Variants in SMPD3 observed in about 807,000 individuals in gnomAD.
SMPD3 encodes the protein nSMase-2.
In SMPD3, 21 loss-of-function variants were observed where a neutral mutation model predicts 55.7. That is an observed-to-expected ratio of 0.38 (90% CI 0.27 to 0.54). The LOEUF (loss-of-function observed/expected upper bound fraction) is 0.54, where lower values mean the gene tolerates loss of function less well. Ranked by LOEUF, SMPD3 falls within the 20% of genes least tolerant of loss-of-function variation. The probability of loss-of-function intolerance (pLI) is 0.80; values close to 1 mark genes in which losing one functional copy is unlikely to be tolerated. For missense variants in SMPD3, 842 were observed against 899.6 expected (o/e 0.94, Z 0.82); for synonymous variants, 457 against 404.3 (o/e 1.13, Z -1.56).
intron 1 of SMPD3, among the ~76,000 whole-genome samples, chr16:68,428,118 G>T (rs1280420931): frequency 6.6e-6 from 1 of 152,140 alleles, no homozygotes; most frequent in Admixed American, 6.5e-5. Flanking sequence ...GAGCAGCCAA[G>T]GCCTCATCCT....
At chr16:68,441,878 A>G (rs926909761) in intron 1 of SMPD3, among the ~76,000 whole-genome samples, 3 of 152,124 alleles carry the variant, frequency 2.0e-5, no homozygotes, top group East Asian at 1.9e-4. Flanking sequence ...CAATCCTCCC[A>G]TCTCAGCCTC....
At chr16:68,364,566 G>A in intron 5 of SMPD3, 185 bp downstream of exon 5, 2 of 679,002 alleles carry the variant, frequency 2.9e-6, no homozygotes, top group East Asian at 2.8e-5. Flanking sequence ...TTTCTAGGCA[G>A]AGCGTGGGCT....
chr16:68,397,414 C>T, intron 1 of SMPD3, among the ~76,000 whole-genome samples: 1 of 152,194 alleles, frequency 6.6e-6, no homozygotes, highest in East Asian at 1.9e-4. Context: ...CAGCAGGAAC[C>T]AGGTAGAGTT....
intron 1 of SMPD3, among the ~76,000 whole-genome samples, chr16:68,443,058 A>G (rs1437256318): frequency 1.3e-5 from 2 of 152,242 alleles, no homozygotes; most frequent in Non-Finnish European, 2.9e-5. Flanking sequence ...GAGAAAAAAC[A>G]TAAGTTCATT....
chr16:68,371,752 G>T lies in SMPD3; in HGVS notation c.430C>A (p.Leu144Ile). ...TTGGCCCGCGCTTGGGTGTTAAAAAGGTTGTTGACCCTGGCGAGTGAGTCG... is the reference window on the plus strand; with the variant it reads ...TTGGCCCGCGCTTGGGTGTTAAAAATGTTGTTGACCCTGGCGAGTGAGTCG... ...LPDSLARVNN[L>I]FNTQARAKEI... is the part of the protein sequence containing the mutation. The change falls in exon 3 of 9, where the codon CTT (leucine) becomes ATT (isoleucine). Residue 144 changes from leucine (L) to isoleucine (I), a missense_variant. Coordinates refer to ENST00000219334, the MANE Select transcript of SMPD3 (RefSeq NM_018667.4). 1.9e-6 allele frequency: 3 copies of T among 1,611,498 alleles called. No homozygotes were observed. Among genetic ancestry groups the T allele is most frequent in the Non-Finnish European group, 2.5e-6 (3 of 1,178,806 alleles).
intron 1 of SMPD3, among the ~76,000 whole-genome samples, chr16:68,431,496 A>G (rs1354677124): frequency 3.9e-5 from 6 of 152,296 alleles, no homozygotes; most frequent in East Asian, 1.9e-4. Context: ...TTTTTCCCAC[A>G]TGGACTCCCA....
intron 1 of SMPD3, among the ~76,000 whole-genome samples, chr16:68,425,402 G>T (rs115477065): frequency 1.3e-5 from 2 of 152,188 alleles, no homozygotes; most frequent in Non-Finnish European, 2.9e-5. Flanking sequence ...CAGCTGGATG[G>T]TTCCAAGGTT....
In SMPD3 at chr16:68,398,409, G is replaced by A. The variant is rs780079618; in HGVS notation, c.-268-11750C>T. Among the ~76,000 whole-genome samples, 3 of 152,190 alleles carry A rather than the reference G, an allele frequency of 2.0e-5. No homozygotes were observed. In the South Asian group the frequency reaches 6.2e-4, roughly 31 times the overall value. On this transcript the variant is annotated intron_variant, in intron 1 of 8. Transcript: ENST00000219334. Reference sequence around the variant, plus strand: ...AACCATGTGTCAGAAAGCTGGTGCCGAATCCCTCACACTATTTTTACCTTC... The same window carrying A: ...AACCATGTGTCAGAAAGCTGGTGCCAAATCCCTCACACTATTTTTACCTTC...
At chr16:68,415,900 A>G (rs550536180) in intron 1 of SMPD3, among the ~76,000 whole-genome samples, 1 of 151,880 alleles carries the variant, frequency 6.6e-6, no homozygotes, top group South Asian at 2.1e-4. Flanking sequence ...GAGAAAGGGC[A>G]GTTTTTGGCT....
At chr16:68,377,077 T>C (rs966476456) in intron 2 of SMPD3, among the ~76,000 whole-genome samples, 2 of 152,168 alleles carry the variant, frequency 1.3e-5, no homozygotes, top group African/African-American at 2.4e-5. Flanking sequence ...TGGGGGTCAC[T>C]GGAGCCCACC....
rs564806626 is a variant in SMPD3, at chr16:68,383,321, C to G, written c.-207+3277G>C. 9.2e-4 allele frequency among the ~76,000 whole-genome samples: 140 copies of G among 152,296 alleles called. 1 individual carries two copies. Among genetic ancestry groups the G allele is most frequent in the Admixed American group, 1.8e-3 (28 of 15,304 alleles). On this transcript the variant is annotated intron_variant, in intron 2 of 8. Transcript: ENST00000219334. ...CTGGATGGCAACCCACCTGAGGCTG[C>G]CTGCCCTCCCCCGCACACCACAAGA...
chr16:68,372,397 C>T lies in SMPD3; in HGVS notation c.-206-10G>A, dbSNP rs2089695273. 3.2e-6 allele frequency: 2 copies of T among 616,640 alleles called. No homozygotes were observed. Among genetic ancestry groups the T allele is most frequent in the Non-Finnish European group, 5.7e-6 (2 of 352,988 alleles). 38.2% of individuals were successfully genotyped at this position (616,640 alleles called of 1,614,324 possible). On this transcript the variant is annotated splice_polypyrimidine_tract_variant and intron_variant, in intron 2 of 8. Transcript: ENST00000219334. ...AGGCCTACTGCAGACCCTGCAGAGA[C>T]AAAAGTAGGGGGACTGTTTTTAGTG...
Position 68,392,835 on chromosome 16 carries a change from G to GAAA in SMPD3, c.-268-6179_-268-6177dup, listed in dbSNP as rs60841057. ...CGTGACAGAATGAGACGCTGTCTGG[G>GAAA]AAAAAAAAAAAAAAAAAAAAGATGC... On this transcript the variant is annotated intron_variant, in intron 1 of 8. Transcript: ENST00000219334. Among the ~76,000 whole-genome samples, 278 of 88,266 alleles carry GAAA rather than the reference G, an allele frequency of 3.1e-3. 4 individuals are homozygous for GAAA. The highest frequency in any genetic ancestry group is 0.013 in the African/African-American group (255 of 19,660). The allele number at this position is 88,266 out of a possible 152,430, so 57.9% of individuals were successfully genotyped here.
rs535369688 is a variant in SMPD3, at chr16:68,386,581, A to G, written c.-207+17T>C. 4.0e-4 allele frequency: 44 copies of G among 111,232 alleles called. No homozygotes were observed. The highest frequency in any genetic ancestry group is 1.5e-3 in the African/African-American group (42 of 28,764). The allele number at this position is 111,232 out of a possible 1,614,324, so 6.9% of individuals were successfully genotyped here. ...ACCCCCACCCCACCCCTCTGGTTCC[A>G]GAAGCCTTGGTTTTACCTGAGGAGG... On this transcript the variant is annotated intron_variant, in intron 2 of 8. Coordinates refer to ENST00000219334, the MANE Select transcript of SMPD3 (RefSeq NM_018667.4).
Position 68,361,534 on chromosome 16 carries a change from C to A in SMPD3, c.1866+69G>T, listed in dbSNP as rs983854667. On this transcript the variant is annotated intron_variant, in intron 8 of 8. Coordinates refer to ENST00000219334, the MANE Select transcript of SMPD3 (RefSeq NM_018667.4). Reference sequence around the variant, plus strand: ...GCGTGGGGTTTCAGGGAGCGGCTGTCGAGAGCTGCAGGGCCCGGGCCCTGC... The same window carrying A: ...GCGTGGGGTTTCAGGGAGCGGCTGTAGAGAGCTGCAGGGCCCGGGCCCTGC... 5.1e-6 allele frequency: 8 copies of A among 1,575,862 alleles called. No homozygotes were observed. The South Asian group carries it at 9.0e-5, about 18-fold the overall frequency.
intron 1 of SMPD3, among the ~76,000 whole-genome samples, chr16:68,441,856 C>G (rs62058169): frequency 6.6e-6 from 1 of 152,184 alleles, no homozygotes; most frequent in Non-Finnish European, 1.5e-5. Flanking sequence ...GCCTTGAACT[C>G]TTGGGCTCGA....
At chr16:68,373,675 C>G (rs1336708213) in intron 2 of SMPD3, among the ~76,000 whole-genome samples, 1 of 152,326 alleles carries the variant, frequency 6.6e-6, no homozygotes, top group African/African-American at 2.4e-5. Context: ...CCTGCACCGG[C>G]CTGGGACTGC....
At chr16:68,423,053 TAA>T (rs771321234) in intron 1 of SMPD3, among the ~76,000 whole-genome samples, 1 of 152,180 alleles carries the variant, frequency 6.6e-6, no homozygotes, top group Non-Finnish European at 1.5e-5. Flanking sequence ...CACAACAACC[TAA>T]GAGACAGGCA....
At position 68,397,393 on chromosome 16, in the gene SMPD3, A is replaced by T. The variant is rs74024638; in HGVS notation, c.-268-10734T>A. Among the ~76,000 whole-genome samples, 1,360 of 152,232 alleles carry T rather than the reference A, an allele frequency of 8.9e-3. 23 individuals are homozygous for T. Among genetic ancestry groups the T allele is most frequent in the African/African-American group, 0.031 (1,306 of 41,540 alleles). ...GGTCAGAGAGCTGGTGGGGATTGGGAGGTATAAACCCAGCAGGAACCAGGT... is the reference window on the plus strand; with the variant it reads ...GGTCAGAGAGCTGGTGGGGATTGGGTGGTATAAACCCAGCAGGAACCAGGT... On this transcript the variant is annotated intron_variant, in intron 1 of 8. Coordinates refer to ENST00000219334, the MANE Select transcript of SMPD3 (RefSeq NM_018667.4).
Sources: allele counts gnomAD v4.1 joint callset (sites outside exome capture counted in the v4.1 genomes callset), GRCh38; gene constraint gnomAD v4.1.1; transcripts MANE v1.5; gene names NCBI Gene and HGNC (gene_info 2026-07-23, HGNC 2026-07-21).